The following FAM53A variants were observed in gnomAD, a reference collection of about 807,000 sequenced individuals.
FAM53A encodes the protein family with sequence similarity 53 member A, also known as protein FAM53A.
FAM53A carries 28 observed loss-of-function variants against 26.6 expected under a neutral mutation model. That is an observed-to-expected ratio of 1.05 (90% CI 0.78 to 1.45). The LOEUF (loss-of-function observed/expected upper bound fraction) is 1.45, where lower values mean the gene tolerates loss of function less well. FAM53A is among the 40% of genes most tolerant of loss of function. The pLI, the probability that FAM53A is intolerant of heterozygous loss-of-function variation, is 0.00. For synonymous variants in FAM53A, 290 were observed against 253.1 expected (o/e 1.15, Z -1.38); for missense variants, 650 against 575.8 (o/e 1.13, Z -1.32).
rs181280071 is a variant in FAM53A, at chr4:1,670,358, C to G, written c.-164-1453G>C. ...GAGGGCCAGGGCAAAGGCGCCACCA[C>G]CAACACAGCAGCGACGCGCACAGTG... is the stretch of plus-strand genomic sequence containing the variant. On this transcript the variant is annotated intron_variant, in intron 1 of 4. Transcript: ENST00000308132. Among the ~76,000 whole-genome samples the G allele has an allele frequency of 1.1e-3, 174 of 152,370 alleles. 1 individual carries two copies. The highest frequency in any genetic ancestry group is 1.7e-3 in the Non-Finnish European group (117 of 68,038).
At chr4:1,654,435 T>G (rs1053251093) in intron 4 of FAM53A, among the ~76,000 whole-genome samples, 2 of 152,158 alleles carry the variant, frequency 1.3e-5, no homozygotes, top group African/African-American at 2.4e-5. Context: ...TTCAAGTGGG[T>G]GAAGGCTCTC....
At chr4:1,652,136 CA>C in intron 4 of FAM53A, among the ~76,000 whole-genome samples, 1 of 135,194 alleles carries the variant, frequency 7.4e-6, no homozygotes, top group African/African-American at 3.2e-5. Flanking sequence ...ACACCTCATA[CA>C]CCACACACAC....
chr4:1,575,881 T>G, the FAM53A span, among the ~76,000 whole-genome samples: 1 of 152,124 alleles, frequency 6.6e-6, no homozygotes, highest in Non-Finnish European at 1.5e-5. Flanking sequence ...GACAGTCCAC[T>G]GAGCCTGGGG....
chr4:1,637,608 G>A (rs1165343315), downstream of FAM53A, among the ~76,000 whole-genome samples: 1 of 151,756 alleles, frequency 6.6e-6, no homozygotes, highest in Non-Finnish European at 1.5e-5. Flanking sequence ...GGCCCCAGGA[G>A]AGGGGGAGGG....
the FAM53A span, among the ~76,000 whole-genome samples, chr4:1,606,040 C>CTTT: frequency 8.8e-5 from 12 of 135,816 alleles, 1 homozygote; most frequent in South Asian, 2.4e-4. Context: ...TCCTATGACT[C>CTTT]TTTTTTTTTT....
At chr4:1,636,374 G>A (rs55730140), downstream of FAM53A, among the ~76,000 whole-genome samples, 13,123 of 152,160 alleles carry the variant, frequency 0.086, 1,654 homozygotes, top group African/African-American at 0.27. Flanking sequence ...AGAGGATTAC[G>A]AGACCTCTGC....
intron 1 of FAM53A, among the ~76,000 whole-genome samples, chr4:1,670,903 C>T (rs1187048942): frequency 1.3e-5 from 2 of 151,860 alleles, no homozygotes; most frequent in Non-Finnish European, 2.9e-5. Context: ...AGCGTCAGAG[C>T]CCCCAGCTCA....
chr4:1,649,152 GGGGAAAGGGAAGGGGAAAGGGAAA>G (rs1712511558), intron 4 of FAM53A, among the ~76,000 whole-genome samples: 4 of 137,474 alleles, frequency 2.9e-5, no homozygotes, highest in Admixed American at 7.5e-5. Context: ...GGAAAGGGAA[GGGGAAAGGGAAGGGGAAAGGGAAA>G]GGGAAGGGGA....
intron 4 of FAM53A, chr4:1,644,350 G>C: frequency 1.3e-6 from 2 of 1,535,654 alleles, no homozygotes; most frequent in East Asian, 4.9e-5. Context: ...CGGCTAGAGC[G>C]TGAAAACAGC....
the FAM53A span, among the ~76,000 whole-genome samples, chr4:1,575,453 G>A: frequency 6.6e-6 from 1 of 152,160 alleles, no homozygotes; most frequent in Non-Finnish European, 1.5e-5. Flanking sequence ...GTCTGGCAGG[G>A]GCCACACCAG....
At chr4:1,634,498 C>G (rs776119019) in intron 1 of FAM53A, among the ~76,000 whole-genome samples, 1 of 152,214 alleles carries the variant, frequency 6.6e-6, no homozygotes, top group Non-Finnish European at 1.5e-5. Flanking sequence ...CAAGATCATA[C>G]GTGCCTGGGA....
intron 3 of FAM53A, among the ~76,000 whole-genome samples, chr4:1,656,317 C>T (rs1713376936): frequency 6.6e-6 from 1 of 152,232 alleles, no homozygotes; most frequent in Non-Finnish European, 1.5e-5. Context: ...AACGCGCTCC[C>T]CAGCCCACTG....
downstream of FAM53A, among the ~76,000 whole-genome samples, chr4:1,636,740 G>A (rs1715857344): frequency 1.3e-5 from 2 of 152,250 alleles, no homozygotes; most frequent in African/African-American, 4.8e-5. Flanking sequence ...GGGTTTTTCG[G>A]GTACAGAGGG....
chr4:1,653,283 C>T (rs754104661), intron 4 of FAM53A, among the ~76,000 whole-genome samples: 4 of 152,166 alleles, frequency 2.6e-5, no homozygotes, highest in Admixed American at 6.5e-5. Context: ...CACACTCTAC[C>T]GGGGGTACCC....
chr4:1,648,827 G>A (rs901212788), intron 4 of FAM53A, among the ~76,000 whole-genome samples: 2 of 152,136 alleles, frequency 1.3e-5, no homozygotes, highest in Admixed American at 6.5e-5. Context: ...AAGAAAACGG[G>A]GCAAGCCGGG....
the FAM53A span, among the ~76,000 whole-genome samples, chr4:1,581,485 T>C: frequency 6.6e-6 from 1 of 152,388 alleles, no homozygotes; most frequent in South Asian, 2.1e-4. Context: ...TATTTAACTG[T>C]TACCTGAATT....
chr4:1,580,246 C>T, the FAM53A span: 1 of 152,214 alleles, frequency 6.6e-6, no homozygotes, highest in African/African-American at 2.4e-5. Flanking sequence ...GCTGCAGCCC[C>T]GCGGCCGCCG....
intron 2 of FAM53A, among the ~76,000 whole-genome samples, chr4:1,661,002 C>G (rs977840925): frequency 6.6e-6 from 1 of 152,134 alleles, no homozygotes; most frequent in Non-Finnish European, 1.5e-5. Context: ...ATACCGTGCC[C>G]GCCAGGCCAG....
At chr4:1,665,013 T>C (rs1004470688) in intron 2 of FAM53A, among the ~76,000 whole-genome samples, 3 of 150,492 alleles carry the variant, frequency 2.0e-5, no homozygotes, top group Non-Finnish European at 4.4e-5. Flanking sequence ...AAAAATAATT[T>C]TTTAAAAAAT....
Sources: allele counts gnomAD v4.1 joint callset (sites outside exome capture counted in the v4.1 genomes callset), GRCh38; gene constraint gnomAD v4.1.1; transcripts MANE v1.5; gene names NCBI Gene and HGNC (gene_info 2026-07-23, HGNC 2026-07-21).